TAB1: variants seen among roughly 807,000 people sequenced by gnomAD.
TAB1 encodes the protein TGF-beta activated kinase 1 (MAP3K7) binding protein 1.
A neutral mutation model predicts 54.5 loss-of-function variants in TAB1; 30 were observed. That is an observed-to-expected ratio of 0.55 (90% CI 0.41 to 0.75). TAB1 has a LOEUF of 0.75. TAB1 is among the 30% of genes least tolerant of loss of function. The probability of loss-of-function intolerance (pLI) is 0.00; values close to 1 mark genes in which losing one functional copy is unlikely to be tolerated. For synonymous variants in TAB1, 289 were observed against 286.9 expected, an observed-to-expected ratio of 1.01 and a Z score of -0.07; for missense variants, 609 against 683.2, an observed-to-expected ratio of 0.89 and a Z score of 1.21.
chr22:39,428,592 T>G (rs1020327708), intron 10 of TAB1, among the ~76,000 whole-genome samples: 1 of 152,088 alleles, frequency 6.6e-6, no homozygotes, highest in Non-Finnish European at 1.5e-5. Flanking sequence ...TCTCTGGTTT[T>G]GGGGCAGGGG....
intron 1 of TAB1, 63 bp downstream of exon 1, chr22:39,399,898 G>C: frequency 6.5e-7 from 1 of 1,530,924 alleles, no homozygotes; most frequent in South Asian, 1.2e-5. Context: ...GCTGTCGGGT[G>C]CAGGAACGGC....
chr22:39,407,598 C>T (rs1010015688), intron 1 of TAB1, among the ~76,000 whole-genome samples: 1 of 152,060 alleles, frequency 6.6e-6, no homozygotes, highest in African/African-American at 2.4e-5. Flanking sequence ...ATTCTCCTTC[C>T]TCAGCTTCCC....
rs3043618 is a variant in TAB1 at position 39,420,882 on chromosome 22, C to CTGTGTGTG, written c.777-907_777-900dup. Among the ~76,000 whole-genome samples the CTGTGTGTG allele has an allele frequency of 4.1e-3, 59 of 14,380 alleles. 4 individuals are homozygous for CTGTGTGTG. The highest frequency in any genetic ancestry group is 0.014 in the East Asian group (12 of 884). 9.4% of individuals were successfully genotyped at this position (14,380 alleles called of 152,430 possible). A position where few individuals can be genotyped will look rare whatever the true frequency, so the allele number is the denominator to read the frequency against. Reference sequence around the variant, plus strand: ...CACCCAGGTGCTGGGGTGTCTCTCTCTGTGTGTGTGTGTGTGTGTGTGTGT... The same window carrying CTGTGTGTG: ...CACCCAGGTGCTGGGGTGTCTCTCTCTGTGTGTGTGTGTGTGTGTGTGTGTGTGTGTGT... On this transcript the variant is annotated intron_variant, in intron 7 of 10. Transcript: ENST00000216160.
chr22:39,415,115 CG>C lies in TAB1; in HGVS notation c.144del (p.Pro49GlnfsTer28), dbSNP rs1569196682. ...GATGGCAAGGGCACTGAGAGCCACC[CG>C]CCAGAGGACAGCTGGCTCAAGTTCA... is the stretch of plus-strand genomic sequence containing the variant. ...SADGKGTESHPPEDSWLKFRS... is the reference protein window; with the variant it reads ...SADGKGTESHXPEDSWLKFRS... On this transcript the variant is annotated frameshift_variant, in exon 2 of 11. Transcript: ENST00000216160. LOFTEE classifies it high-confidence loss of function. This position sits in a 1 kb window ranked among gnomAD's most constrained non-coding sequence, Gnocchi z 4.9. 7 of 1,599,328 alleles carry C rather than the reference CG, an allele frequency of 4.4e-6. No individual in the cohort carries two copies. The highest frequency in any genetic ancestry group is 1.7e-6 in the Non-Finnish European group (2 of 1,170,102).
intron 1 of TAB1, among the ~76,000 whole-genome samples, chr22:39,404,369 A>G (rs1381446598): frequency 6.6e-6 from 1 of 152,128 alleles, no homozygotes; most frequent in East Asian, 1.9e-4. Context: ...GGATCACTTG[A>G]GGCCAGGAGT....
At position 39,415,737 on chromosome 22, in the gene TAB1, C is replaced by T; in HGVS notation, c.324+84C>T. The T allele has an allele frequency of 6.6e-7, 1 of 1,513,770 alleles. No homozygotes were observed. The highest frequency in any genetic ancestry group is 1.2e-5 in the South Asian group (1 of 81,454). The allele number at this position is 1,513,770 out of a possible 1,614,324, so 93.8% of individuals were successfully genotyped here. ...GGGCCCTGCACCTCTAGCATGTTGC[C>T]AGGGTTGGTGTGAAGATCCTGCCGG... On this transcript the variant is annotated intron_variant, in intron 3 of 10. Transcript: ENST00000216160. This position sits in a 1 kb window ranked among gnomAD's most constrained non-coding sequence, Gnocchi z 4.9.
intron 3 of TAB1, 54 bp from the exon 4 acceptor site, chr22:39,416,737 A>G: frequency 1.3e-6 from 2 of 1,544,462 alleles, no homozygotes; most frequent in African/African-American, 2.7e-5. Flanking sequence ...ACATTTTGGC[A>G]CCAGTGACAG....
rs750204404 is a variant in TAB1 at position 39,417,781 on chromosome 22, A to C, written c.482A>C (p.Glu161Ala). 1 of 1,613,384 alleles carries C rather than the reference A, an allele frequency of 6.2e-7. No homozygotes were observed. The highest frequency in any genetic ancestry group is 8.5e-7 in the Non-Finnish European group (1 of 1,179,740). Residue 161 changes from glutamate to alanine, a missense_variant, in exon 5 of 11, where the codon GAA (glutamate) becomes GCA (alanine). By Grantham distance (107) the Glu-to-Ala change is moderately radical. Coordinates refer to ENST00000216160, the MANE Select transcript of TAB1 (RefSeq NM_006116.3). ...ILERLKTLER[E>A]ISGGAMAVVA... ...GAGAGACTCAAGACGTTAGAGAGGGAAATTTCGGGAGGGGCCATGGCCGTT... is the reference window on the plus strand; with the variant it reads ...GAGAGACTCAAGACGTTAGAGAGGGCAATTTCGGGAGGGGCCATGGCCGTT...
intron 7 of TAB1, among the ~76,000 whole-genome samples, chr22:39,420,882 C>CTGTG (rs3043618): frequency 0.018 from 260 of 14,372 alleles, 43 homozygotes; most frequent in African/African-American, 0.025. Context: ...GTGTCTCTCT[C>CTGTG]TGTGTGTGTG....
downstream of TAB1, among the ~76,000 whole-genome samples, chr22:39,435,842 C>A (rs900474830): frequency 6.6e-6 from 1 of 152,200 alleles, no homozygotes; most frequent in Admixed American, 6.5e-5. Flanking sequence ...CATCTTCCAG[C>A]CTGCCCCAAG....
intron 7 of TAB1, among the ~76,000 whole-genome samples, chr22:39,421,017 C>T (rs1220766362): frequency 6.6e-6 from 1 of 150,894 alleles, no homozygotes; most frequent in Non-Finnish European, 1.5e-5. Context: ...GTGTCCTGCC[C>T]CTCCCAGGTG....
rs1353840906 is a variant in TAB1, at chr22:39,415,701, C to A, written c.324+48C>A. The A allele has an allele frequency of 1.9e-6, 3 of 1,584,080 alleles. No individual in the cohort carries two copies. Among genetic ancestry groups the A allele is most frequent in the Non-Finnish European group, 2.6e-6 (3 of 1,167,956 alleles). On this transcript the variant is annotated intron_variant, in intron 3 of 10. Coordinates refer to ENST00000216160, the MANE Select transcript of TAB1 (RefSeq NM_006116.3). The surrounding 1 kb of genome is among the most constrained non-coding windows in gnomAD (Gnocchi z 4.9). ...TGACCCAGCCACATCATGTCCCCCA[C>A]CCCAAGGCTTGGGCCCTGCACCTCT...
chr22:39,417,620 C>CAAAA, intron 4 of TAB1, 91 bp from the exon 5 acceptor site: 1 of 1,104,732 alleles, frequency 9.1e-7, no homozygotes, highest in Non-Finnish European at 1.2e-6. Flanking sequence ...GACTCCATCT[C>CAAAA]AAAAAAAAAA....
chr22:39,416,599 A>T (rs1357068254), intron 3 of TAB1, 192 bp from the exon 4 acceptor site: 2 of 618,348 alleles, frequency 3.2e-6, no homozygotes, highest in African/African-American at 3.7e-5. Flanking sequence ...TTTGTCAAAG[A>T]CATTGATCTG....
chr22:39,421,226 G>T (rs938344799), intron 7 of TAB1, among the ~76,000 whole-genome samples: 1 of 152,170 alleles, frequency 6.6e-6, no homozygotes, highest in Non-Finnish European at 1.5e-5. Context: ...CTCACCTGCA[G>T]TTAGGATGGC....
chr22:39,418,846 G>A lies in TAB1; in HGVS notation c.664+1G>A. On this transcript the variant is annotated splice_donor_variant, in intron 6 of 10. Coordinates refer to ENST00000216160, the MANE Select transcript of TAB1 (RefSeq NM_006116.3). LOFTEE classifies it high-confidence loss of function. ...GAGCTCTTCCGTCTTTCGCAGCTGG[G>A]TGAGTGGGGAGAGTGGGAGCGGAAG... The A allele has an allele frequency of 1.2e-6, 2 of 1,612,612 alleles. No homozygotes were observed. The highest frequency in any genetic ancestry group is 1.7e-6 in the Non-Finnish European group (2 of 1,178,678).
chr22:39,424,293 G>A (rs994394124), intron 8 of TAB1, among the ~76,000 whole-genome samples: 9 of 152,160 alleles, frequency 5.9e-5, no homozygotes, highest in Non-Finnish European at 1.2e-4. Context: ...GAATTGTGCT[G>A]CTATAAACAT....
intron 6 of TAB1, 138 bp downstream of exon 6, chr22:39,418,983 C>A: frequency 1.5e-6 from 1 of 687,524 alleles, no homozygotes. Context: ...GGTTCATTCC[C>A]AGCACTGCCG....
intron 5 of TAB1, 68 bp downstream of exon 5, chr22:39,417,917 T>C: frequency 6.6e-7 from 1 of 1,518,152 alleles, no homozygotes; most frequent in African/African-American, 1.4e-5. Context: ...CGGTGCATTA[T>C]TTGACAATCT....
Sources: allele counts gnomAD v4.1 joint callset (sites outside exome capture counted in the v4.1 genomes callset), GRCh38; gene constraint gnomAD v4.1.1; non-coding constraint Gnocchi (gnomAD v3.1); transcripts MANE v1.5; gene names NCBI Gene and HGNC (gene_info 2026-07-23, HGNC 2026-07-21).